The following SLC25A23 variants were observed in gnomAD, a reference collection of about 807,000 sequenced individuals.
The protein encoded by SLC25A23 is solute carrier family 25 member 23, also known as mitochondrial adenyl nucleotide antiporter SLC25A23.
SLC25A23 carries 32 observed loss-of-function variants against 53.9 expected under a neutral mutation model. The ratio of observed to expected loss-of-function variants is 0.59; its 90% CI spans 0.45 to 0.80. The LOEUF (loss-of-function observed/expected upper bound fraction) is 0.80. Ranked by LOEUF, SLC25A23 falls within the 30% of genes least tolerant of loss-of-function variation. SLC25A23 has a pLI of 0.00. For missense variants in SLC25A23, 575 were observed against 651.4 expected, an observed-to-expected ratio of 0.88 and a Z score of 1.28; for synonymous variants, 275 against 264.5, an observed-to-expected ratio of 1.04 and a Z score of -0.38.
chr19:6,443,219 G>A (rs1215606643), intron 9 of SLC25A23, among the ~76,000 whole-genome samples: 2 of 151,966 alleles, frequency 1.3e-5, no homozygotes, highest in Admixed American at 6.6e-5. Context: ...GATGGCAGGC[G>A]TGAGCCACTA....
chr19:6,459,716 G>A lies in SLC25A23; in HGVS notation c.-88C>T. On this transcript the variant is annotated 5_prime_UTR_variant, in exon 1 of 10. Transcript: ENST00000301454. The surrounding 1 kb of genome is among the most constrained non-coding windows in gnomAD (Gnocchi z 4.6). ...CCCCCTCCCCCCCCGGGACCCCGCA[G>A]GGTCAGCTCCCGCGGCCGCCGGCTC... 4 of 1,132,244 alleles carry A rather than the reference G, an allele frequency of 3.5e-6. No homozygotes were observed. The highest frequency in any genetic ancestry group is 4.4e-6 in the Non-Finnish European group (4 of 902,760). 70.1% of individuals were successfully genotyped at this position (1,132,244 alleles called of 1,614,324 possible).
rs1473715570 is a variant in SLC25A23, at chr19:6,440,841, G to T, written c.*1134C>A. On this transcript the variant is annotated 3_prime_UTR_variant, in exon 10 of 10. Transcript: ENST00000301454. ...GGATACTCTGTGACTGGGCTGCCAG[G>T]ATCTAGACTTGGGGCCTGAACATTT... The T allele has an allele frequency of 6.6e-6, 1 of 152,266 alleles. No homozygotes were observed. Among genetic ancestry groups the T allele is most frequent in the Non-Finnish European group, 1.5e-5 (1 of 68,106 alleles). 9.4% of individuals were successfully genotyped at this position (152,266 alleles called of 1,614,324 possible).
intron 8 of SLC25A23, 129 bp downstream of exon 8, chr19:6,452,183 C>T: frequency 7.7e-7 from 1 of 1,306,704 alleles, no homozygotes; most frequent in South Asian, 1.5e-5. Flanking sequence ...CCAAGGTGCT[C>T]CTCACCTCAT....
chr19:6,445,923 A>AAAC (rs1204709301), intron 8 of SLC25A23, among the ~76,000 whole-genome samples: 1 of 110,180 alleles, frequency 9.1e-6, no homozygotes, highest in Non-Finnish European at 1.6e-5. Flanking sequence ...ACAAACAAAC[A>AAAC]AAAAAAAACT....
intron 7 of SLC25A23, among the ~76,000 whole-genome samples, chr19:6,453,575 A>C (rs564541981): frequency 6.6e-6 from 1 of 152,200 alleles, no homozygotes; most frequent in African/African-American, 2.4e-5. Flanking sequence ...TTCAGAATCC[A>C]AACAATACAC....
chr19:6,454,495 C>T lies in SLC25A23; in HGVS notation c.643-20G>A, dbSNP rs557355336. ...ATGGACCTGAATGGGGAGACAACAG[C>T]TTGGAGGTCCCCTCCCAGGTGTCAG... is the stretch of plus-strand genomic sequence containing the variant. On this transcript the variant is annotated intron_variant, in intron 5 of 9. Transcript: ENST00000301454. This position sits in a 1 kb window ranked among gnomAD's most constrained non-coding sequence, Gnocchi z 4.3. The T allele has an allele frequency of 3.7e-6, 6 of 1,613,712 alleles. No homozygotes were observed. The Admixed American group carries it at 6.7e-5, about 18-fold the overall frequency.
Position 6,454,310 on chromosome 19 carries a change from T to C in SLC25A23, c.795+13A>G, listed in dbSNP as rs965933867. The C allele has an allele frequency of 1.9e-6, 3 of 1,611,534 alleles. No individual in the cohort carries two copies. The highest frequency in any genetic ancestry group is 1.1e-5 in the South Asian group (1 of 90,768). On this transcript the variant is annotated intron_variant, in intron 6 of 9. Coordinates refer to ENST00000301454, the MANE Select transcript of SLC25A23 (RefSeq NM_024103.3). The surrounding 1 kb of genome is among the most constrained non-coding windows in gnomAD (Gnocchi z 4.3). ...CCTATGGCAAGCACATTCCTCCCTG[T>C]ACCTGCCCTCACCTGTTCATAGGCC...
Position 6,442,043 on chromosome 19 carries a change from G to T in SLC25A23, c.1339C>A (p.Pro447Thr), listed in dbSNP as rs368329331. ...ACCACATAGGAGATGCTCACAGCTG[G>T]AATAACCTTCATGAAGTTGGGGGCG... ...GIAPNFMKVIPAVSISYVVYE... is the reference protein window; with the variant it reads ...GIAPNFMKVITAVSISYVVYE... Residue 447 changes from proline to threonine, a missense_variant, in exon 10 of 10, where the codon CCA becomes ACA. Pro to Thr is a conservative substitution (Grantham distance 38, BLOSUM62 -1). Coordinates refer to ENST00000301454, the MANE Select transcript of SLC25A23 (RefSeq NM_024103.3). 1 of 1,613,654 alleles carries T rather than the reference G, an allele frequency of 6.2e-7. No individual in the cohort carries two copies. The highest frequency in any genetic ancestry group is 8.5e-7 in the Non-Finnish European group (1 of 1,179,854).
At chr19:6,455,925 T>G in intron 4 of SLC25A23, 1 of 887,420 alleles carries the variant, frequency 1.1e-6, no homozygotes, top group Non-Finnish European at 1.6e-6. Context: ...TTCACCATGT[T>G]AGCCAGGATG....
chr19:6,458,294 C>T lies in SLC25A23; in HGVS notation c.187G>A (p.Asp63Asn), dbSNP rs1213921191. The stretch of plus-strand genomic sequence containing the variant: ...AATTCCTCCAGGTCGAGCCCGCCAT[C>T]TGGGTCAGCATCACCCTCAGAGGAG... ...GISSEGDADP[D>N]GGLDLEEFSR... The change falls in exon 2 of 10, where the codon GAT becomes AAT. Residue 63 changes from aspartate (D) to asparagine (N), a missense_variant. Coordinates refer to ENST00000301454, the MANE Select transcript of SLC25A23 (RefSeq NM_024103.3). 3 of 1,613,150 alleles carry T rather than the reference C, an allele frequency of 1.9e-6. No homozygotes were observed. Among genetic ancestry groups the T allele is most frequent in the Non-Finnish European group, 2.5e-6 (3 of 1,179,980 alleles).
downstream of SLC25A23, among the ~76,000 whole-genome samples, chr19:6,438,039 C>T (rs965278931): frequency 2.2e-5 from 3 of 139,412 alleles, no homozygotes; most frequent in Admixed American, 2.2e-4. Flanking sequence ...CGTGCCACTG[C>T]ACTCCAAAAA....
At chr19:6,439,395 T>TCACACA (rs1177276755), downstream of SLC25A23, among the ~76,000 whole-genome samples, 1,505 of 129,432 alleles carry the variant, frequency 0.012, 21 homozygotes, top group African/African-American at 0.046. Flanking sequence ...TCTCTCTCTC[T>TCACACA]CTCTCACACA....
chr19:6,447,382 A>G (rs777176621), intron 8 of SLC25A23, among the ~76,000 whole-genome samples: 1 of 151,810 alleles, frequency 6.6e-6, no homozygotes, highest in Non-Finnish European at 1.5e-5. Flanking sequence ...GCTCACTGCA[A>G]CCTCCGCCTC....
In SLC25A23 at chr19:6,456,388, C is replaced by A. The variant is rs371394105; in HGVS notation, c.483+32G>T. 15 of 1,600,576 alleles carry A rather than the reference C, an allele frequency of 9.4e-6. No individual in the cohort carries two copies. The East Asian group carries it at 2.5e-4, about 26-fold the overall frequency. On this transcript the variant is annotated intron_variant, in intron 4 of 9. Coordinates refer to ENST00000301454, the MANE Select transcript of SLC25A23 (RefSeq NM_024103.3). The stretch of plus-strand genomic sequence containing the variant: ...GGCCCCCCTGGGGAAGAGGGCACAG[C>A]CTTCAGCTGGGGAAAGCCACCCCCA...
chr19:6,457,371 C>G (rs903757564), intron 3 of SLC25A23, 132 bp downstream of exon 3: 2 of 783,642 alleles, frequency 2.6e-6, no homozygotes, highest in Non-Finnish European at 4.2e-6. Context: ...CTGGCCAGAT[C>G]TGTCTGACTT....
In SLC25A23 at chr19:6,440,352, T is replaced by G. The variant is rs746805700; in HGVS notation, c.*1623A>C. On this transcript the variant is annotated 3_prime_UTR_variant, in exon 10 of 10. Transcript: ENST00000301454. The stretch of plus-strand genomic sequence containing the variant: ...AATGAATTTGGGGATTTGGTGGTTT[T>G]TTTTTGTTTTTGTTTTTTGCATCAT... 3.9e-5 allele frequency: 6 copies of G among 152,576 alleles called. No homozygotes were observed. Among genetic ancestry groups the G allele is most frequent in the Non-Finnish European group, 5.9e-5 (4 of 68,040 alleles). The allele number at this position is 152,576 out of a possible 1,614,324, so 9.5% of individuals were successfully genotyped here. A position where few individuals can be genotyped will look rare whatever the true frequency, so the allele number is the denominator to read the frequency against.
In SLC25A23 at chr19:6,454,778, C is replaced by T; in HGVS notation, c.484-61G>A. On this transcript the variant is annotated intron_variant, in intron 4 of 9. Coordinates refer to ENST00000301454, the MANE Select transcript of SLC25A23 (RefSeq NM_024103.3). This position sits in a 1 kb window ranked among gnomAD's most constrained non-coding sequence, Gnocchi z 4.3. The stretch of plus-strand genomic sequence containing the variant: ...TGGGGACAGGGAGATGTGACTCAGT[C>T]CTAAATAGGGGAGTCTCCTCTATGA... The T allele has an allele frequency of 1.3e-6, 2 of 1,579,572 alleles. No individual in the cohort carries two copies. Among genetic ancestry groups the T allele is most frequent in the East Asian group, 2.2e-5 (1 of 44,638 alleles).
At position 6,442,074 on chromosome 19, in the gene SLC25A23, C is replaced by T. The variant is rs760426853; in HGVS notation, c.1308G>A (p.Arg436=). The T allele has an allele frequency of 6.2e-7, 1 of 1,612,906 alleles. No individual in the cohort carries two copies. The highest frequency in any genetic ancestry group is 1.7e-5 in the Admixed American group (1 of 59,924). Residue 436 remains arginine, a synonymous_variant, in exon 10 of 10, where the codon CGG becomes CGA. Coordinates refer to ENST00000301454, the MANE Select transcript of SLC25A23 (RefSeq NM_024103.3). ...CCTTCATGAAGTTGGGGGCGATCCC[C>T]CGGTAGAGGCCCCGCATGCCCTCCT... ...LSQEGMRGLY[R]GIAPNFMKVI...
In SLC25A23 at chr19:6,458,383, A is replaced by G. The variant is rs2092713213; in HGVS notation, c.157-59T>C. ...GGAACCTGCTCCTGATCTGGAGGGG[A>G]CGCATGTCACCTTATGCCTTAGGAA... is the stretch of plus-strand genomic sequence containing the variant. On this transcript the variant is annotated intron_variant, in intron 1 of 9. Coordinates refer to ENST00000301454, the MANE Select transcript of SLC25A23 (RefSeq NM_024103.3). The G allele has an allele frequency of 2.5e-6, 4 of 1,574,428 alleles. No individual in the cohort carries two copies. In the Admixed American group the frequency reaches 7.2e-5, roughly 28 times the overall value.
Sources: allele counts gnomAD v4.1 joint callset (sites outside exome capture counted in the v4.1 genomes callset), GRCh38; gene constraint gnomAD v4.1.1; non-coding constraint Gnocchi (gnomAD v3.1); transcripts MANE v1.5; gene names NCBI Gene and HGNC (gene_info 2026-07-23, HGNC 2026-07-21).